The following MARCHF11 variants were observed in gnomAD, a reference collection of about 807,000 sequenced individuals.
The protein encoded by MARCHF11 is membrane associated ring-CH-type finger 11, also known as E3 ubiquitin-protein ligase MARCHF11.
Under a neutral mutation model 37.3 loss-of-function variants are expected in MARCHF11, and 29 were observed. That is an observed-to-expected ratio of 0.78 (90% CI 0.58 to 1.06). The LOEUF (loss-of-function observed/expected upper bound fraction) is 1.06. MARCHF11 is among the 50% of genes least tolerant of loss of function. MARCHF11 has a pLI of 0.00. For missense variants in MARCHF11, 482 were observed against 533.4 expected, an observed-to-expected ratio of 0.90 and a Z score of 0.95; for synonymous variants, 233 against 228.0, an observed-to-expected ratio of 1.02 and a Z score of -0.20.
intron 2 of MARCHF11, among the ~76,000 whole-genome samples, chr5:16,168,879 T>C (rs774829769): frequency 7.2e-5 from 11 of 152,152 alleles, no homozygotes; most frequent in Non-Finnish European, 1.5e-4. Context: ...AGGGCACTTG[T>C]ATACATATTT....
intron 2 of MARCHF11, among the ~76,000 whole-genome samples, chr5:16,176,277 A>T (rs1738361589): frequency 6.6e-6 from 1 of 152,162 alleles, no homozygotes; most frequent in Non-Finnish European, 1.5e-5. Context: ...TTCTCATGGA[A>T]CTTTTCTCTA....
chr5:16,155,507 T>C (rs1226224313), intron 2 of MARCHF11, among the ~76,000 whole-genome samples: 1 of 151,864 alleles, frequency 6.6e-6, no homozygotes, highest in African/African-American at 2.4e-5. Context: ...AGTAAATTAT[T>C]ATATTTACCC....
intron 2 of MARCHF11, among the ~76,000 whole-genome samples, chr5:16,105,224 T>C (rs563012579): frequency 6.6e-6 from 1 of 152,368 alleles, no homozygotes; most frequent in African/African-American, 2.4e-5. Flanking sequence ...AAAGAAATTC[T>C]TTCCACTGAC....
At chr5:16,169,316 C>A (rs569756372) in intron 2 of MARCHF11, among the ~76,000 whole-genome samples, 5 of 138,456 alleles carry the variant, frequency 3.6e-5, no homozygotes, top group Non-Finnish European at 8.1e-5. Flanking sequence ...GCCACCTGCA[C>A]CAAATCAGTA....
intron 2 of MARCHF11, among the ~76,000 whole-genome samples, chr5:16,099,013 C>G (rs1481160485): frequency 1.3e-5 from 2 of 152,132 alleles, no homozygotes; most frequent in Non-Finnish European, 2.9e-5. Flanking sequence ...CTCCAAACCT[C>G]TTCTTCCTTG....
At chr5:16,137,650 C>T (rs566839401) in intron 2 of MARCHF11, among the ~76,000 whole-genome samples, 43 of 152,168 alleles carry the variant, frequency 2.8e-4, no homozygotes, top group East Asian at 1.5e-3. Context: ...CAGAAGAAGA[C>T]GGGATGATGT....
chr5:16,129,513 GA>G (rs1180705814), intron 2 of MARCHF11, among the ~76,000 whole-genome samples: 1 of 152,022 alleles, frequency 6.6e-6, no homozygotes, highest in Non-Finnish European at 1.5e-5. Flanking sequence ...GTTTTATATT[GA>G]ATTAGCTATG....
At chr5:16,152,476 C>A (rs544545919) in intron 2 of MARCHF11, among the ~76,000 whole-genome samples, 41 of 152,126 alleles carry the variant, frequency 2.7e-4, no homozygotes, top group African/African-American at 9.9e-4. Context: ...AGGATCCAGT[C>A]TGATGCAAAG....
At chr5:16,110,517 T>C (rs1284377188) in intron 2 of MARCHF11, among the ~76,000 whole-genome samples, 1 of 152,116 alleles carries the variant, frequency 6.6e-6, no homozygotes, top group East Asian at 1.9e-4. Flanking sequence ...ACATAAAAAA[T>C]GGATATTTAT....
chr5:16,067,591 G>A lies in MARCHF11; in HGVS notation c.1089C>T (p.Thr363=), dbSNP rs755449330. The A allele has an allele frequency of 3.2e-5, 52 of 1,613,836 alleles. No individual in the cohort carries two copies. Among genetic ancestry groups the A allele is most frequent in the Non-Finnish European group, 4.3e-5 (51 of 1,179,850 alleles). The change falls in exon 4 of 4, where the codon ACC becomes ACT. Residue 363 remains threonine (T), a synonymous_variant. Coordinates refer to ENST00000332432, the MANE Select transcript of MARCHF11 (RefSeq NM_001102562.3). ...CATAGCCACACTGAAACCTTGGTGA[G>A]GTTAACTGAGTTGGGTGGACCAAGT... is the stretch of plus-strand genomic sequence containing the variant. ...NRNLVHPTQL[T]SPRFQCGYVL...
chr5:16,076,183 T>A (rs1450634938), intron 3 of MARCHF11, among the ~76,000 whole-genome samples: 1 of 152,246 alleles, frequency 6.6e-6, no homozygotes, highest in Non-Finnish European at 1.5e-5. Context: ...TATCTCCTGA[T>A]CTTTTAATTA....
At chr5:16,119,217 G>C (rs1225970684) in intron 2 of MARCHF11, among the ~76,000 whole-genome samples, 2 of 152,008 alleles carry the variant, frequency 1.3e-5, no homozygotes, top group African/African-American at 4.8e-5. Flanking sequence ...ACAAAAATTA[G>C]CCAGGTGTGG....
chr5:16,144,358 C>A (rs562442731), intron 2 of MARCHF11, among the ~76,000 whole-genome samples: 1 of 152,164 alleles, frequency 6.6e-6, no homozygotes, highest in Non-Finnish European at 1.5e-5. Context: ...GATACCCAGA[C>A]CATGCACACT....
At chr5:16,095,410 CA>C (rs1467113325) in intron 2 of MARCHF11, among the ~76,000 whole-genome samples, 1 of 122,714 alleles carries the variant, frequency 8.1e-6, no homozygotes, top group Non-Finnish European at 1.6e-5. Flanking sequence ...GAAGAAGGAT[CA>C]AAAAGGGATG....
intron 2 of MARCHF11, among the ~76,000 whole-genome samples, chr5:16,175,214 C>T (rs1271358422): frequency 6.6e-6 from 1 of 152,216 alleles, no homozygotes; most frequent in Non-Finnish European, 1.5e-5. Flanking sequence ...CAGCTGACCT[C>T]CATCAACCCA....
At chr5:16,100,637 T>C (rs1736939485) in intron 2 of MARCHF11, among the ~76,000 whole-genome samples, 1 of 152,102 alleles carries the variant, frequency 6.6e-6, no homozygotes, top group Admixed American at 6.5e-5. Flanking sequence ...AAGAAAACCC[T>C]TCCATCAAAG....
At chr5:16,119,698 C>T (rs1442903420) in intron 2 of MARCHF11, among the ~76,000 whole-genome samples, 1 of 152,120 alleles carries the variant, frequency 6.6e-6, no homozygotes, top group South Asian at 2.1e-4. Flanking sequence ...TTTTGGGATG[C>T]TGAGGTCCTA....
chr5:16,097,119 C>A (rs1736881763), intron 2 of MARCHF11, among the ~76,000 whole-genome samples: 1 of 152,284 alleles, frequency 6.6e-6, no homozygotes, highest in Non-Finnish European at 1.5e-5. Flanking sequence ...GAGGTGTCCT[C>A]TTCAGAAAAT....
intron 2 of MARCHF11, among the ~76,000 whole-genome samples, chr5:16,102,364 C>T (rs540869094): frequency 4.9e-4 from 75 of 152,274 alleles, no homozygotes; most frequent in African/African-American, 1.7e-3. Context: ...GAGGGCTTCA[C>T]CCTCAAGCCT....
Sources: allele counts gnomAD v4.1 joint callset (sites outside exome capture counted in the v4.1 genomes callset), GRCh38; gene constraint gnomAD v4.1.1; transcripts MANE v1.5; gene names NCBI Gene and HGNC (gene_info 2026-07-23, HGNC 2026-07-21).